JAKMIP2: variants seen among roughly 807,000 people sequenced by gnomAD.
JAKMIP2 encodes janus kinase and microtubule interacting protein 2.
JAKMIP2 carries 25 observed loss-of-function variants against 115.0 expected under a neutral mutation model. That is an observed-to-expected ratio of 0.22 (90% confidence interval 0.16 to 0.30). The LOEUF is 0.30. Ranked by LOEUF, JAKMIP2 falls within the 10% of genes least tolerant of loss-of-function variation. The probability of loss-of-function intolerance (pLI) is 1.00; values close to 1 mark genes in which losing one functional copy is unlikely to be tolerated. For missense variants in JAKMIP2, 642 were observed against 957.6 expected (o/e 0.67, Z 4.35); for synonymous variants, 334 against 343.6 (o/e 0.97, Z 0.31).
At chr5:147,781,320 G>A (rs1349778524) in intron 1 of JAKMIP2, among the ~76,000 whole-genome samples, 2 of 152,166 alleles carry the variant, frequency 1.3e-5, no homozygotes, top group African/African-American at 4.8e-5. Context: ...GATACTGAAG[G>A]AATGAACATC....
intron 1 of JAKMIP2, among the ~76,000 whole-genome samples, chr5:147,677,672 G>A (rs1445648805): frequency 6.6e-6 from 1 of 152,080 alleles, no homozygotes; most frequent in East Asian, 1.9e-4. Context: ...CAAATTTTCA[G>A]GTCTAAAAAT....
intron 1 of JAKMIP2, among the ~76,000 whole-genome samples, chr5:147,754,604 T>G (rs1754679406): frequency 6.6e-6 from 1 of 152,108 alleles, no homozygotes; most frequent in Non-Finnish European, 1.5e-5. Flanking sequence ...AAGAGTTGCA[T>G]TTTGGGTGAT....
At chr5:147,702,614 A>AGG (rs1752395162) in intron 1 of JAKMIP2, among the ~76,000 whole-genome samples, 1 of 63,014 alleles carries the variant, frequency 1.6e-5, no homozygotes, top group African/African-American at 6.2e-5. Context: ...GAAAGAAAGA[A>AGG]AGAAAGAAAG....
intron 11 of JAKMIP2, chr5:147,636,526 G>A (rs985965007): frequency 3.4e-6 from 2 of 584,942 alleles, no homozygotes; most frequent in Non-Finnish European, 6.0e-6. Context: ...GAATAATCCA[G>A]GACCAGCCTT....
intron 17 of JAKMIP2, among the ~76,000 whole-genome samples, chr5:147,622,197 G>GT (rs1311549912): frequency 3.3e-5 from 5 of 152,298 alleles, no homozygotes; most frequent in Middle Eastern, 3.4e-3. Flanking sequence ...ATGCATTGCT[G>GT]TAAGTTAATA....
chr5:147,735,025 A>G (rs561421313), intron 1 of JAKMIP2, among the ~76,000 whole-genome samples: 1 of 152,314 alleles, frequency 6.6e-6, no homozygotes, highest in Admixed American at 6.5e-5. Flanking sequence ...GAATGCAAAC[A>G]GAGGGTCAGA....
intron 1 of JAKMIP2, among the ~76,000 whole-genome samples, chr5:147,721,515 G>A (rs1287069799): frequency 1.3e-5 from 2 of 152,160 alleles, no homozygotes; most frequent in African/African-American, 4.8e-5. Flanking sequence ...CGTGGGCGTA[G>A]GACCCTCCGA....
At chr5:147,606,198 T>C (rs937382906) in intron 20 of JAKMIP2, among the ~76,000 whole-genome samples, 3 of 147,828 alleles carry the variant, frequency 2.0e-5, no homozygotes, top group African/African-American at 7.5e-5. Context: ...TAGATCCTAT[T>C]TGTCAATTTT....
At chr5:147,636,387 G>A (rs1757615773) in intron 11 of JAKMIP2, 103 bp from the exon 12 acceptor site, 8 of 891,366 alleles carry the variant, frequency 9.0e-6, no homozygotes, top group Non-Finnish European at 1.1e-5. Flanking sequence ...CACCCTGTTT[G>A]TTTGCCTGCC....
intron 17 of JAKMIP2, among the ~76,000 whole-genome samples, chr5:147,622,834 T>A (rs529681326): frequency 2.6e-4 from 40 of 152,356 alleles, no homozygotes; most frequent in African/African-American, 9.4e-4. Context: ...CACCATACTT[T>A]TTTTCATAGT....
intron 1 of JAKMIP2, among the ~76,000 whole-genome samples, chr5:147,759,035 A>G (rs1021309173): frequency 6.6e-6 from 1 of 152,118 alleles, no homozygotes; most frequent in African/African-American, 2.4e-5. Flanking sequence ...AGAGGTGGAA[A>G]GAGAGGCAAC....
intron 2 of JAKMIP2, among the ~76,000 whole-genome samples, chr5:147,663,588 C>A (rs1759143053): frequency 6.6e-6 from 1 of 152,172 alleles, no homozygotes; most frequent in African/African-American, 2.4e-5. Flanking sequence ...TACATCTATC[C>A]TATTAGTTCT....
chr5:147,725,173 TG>T (rs1029342545), intron 1 of JAKMIP2, among the ~76,000 whole-genome samples: 39 of 152,212 alleles, frequency 2.6e-4, no homozygotes, highest in African/African-American at 9.4e-4. Flanking sequence ...ACAAATGTCA[TG>T]GAAACATCAA....
At chr5:147,708,859 T>A (rs992210895) in intron 1 of JAKMIP2, among the ~76,000 whole-genome samples, 2 of 152,218 alleles carry the variant, frequency 1.3e-5, no homozygotes, top group African/African-American at 4.8e-5. Context: ...AGTATGCAGC[T>A]GAGTTTACCT....
At chr5:147,778,944 G>T (rs1008578617) in intron 1 of JAKMIP2, among the ~76,000 whole-genome samples, 22 of 152,014 alleles carry the variant, frequency 1.4e-4, no homozygotes, top group African/African-American at 5.1e-4. Context: ...AATAATAGTG[G>T]AATGTGTAAA....
intron 1 of JAKMIP2, among the ~76,000 whole-genome samples, chr5:147,686,395 A>G (rs981166285): frequency 9.2e-5 from 14 of 152,138 alleles, no homozygotes; most frequent in African/African-American, 3.4e-4. Context: ...TCTCTCACGC[A>G]TATCTTACCA....
At chr5:147,667,248 G>C (rs1358399343) in intron 2 of JAKMIP2, among the ~76,000 whole-genome samples, 2 of 152,104 alleles carry the variant, frequency 1.3e-5, no homozygotes, top group East Asian at 1.9e-4. Context: ...TTCTACCCTA[G>C]AGGTTCTATG....
At chr5:147,628,991 A>C (rs1038411108) in intron 15 of JAKMIP2, among the ~76,000 whole-genome samples, 175 bp from the exon 16 acceptor site, 3 of 152,230 alleles carry the variant, frequency 2.0e-5, no homozygotes, top group Admixed American at 6.5e-5. Flanking sequence ...ACCCGGAAGA[A>C]GTATATTAAA....
rs371020128 is a variant in JAKMIP2, at chr5:147,595,504, C to G, written c.*21-3818G>C. 1.1e-4 allele frequency: 52 copies of G among 455,712 alleles called. No individual in the cohort carries two copies. The East Asian group carries it at 2.9e-3, about 26-fold the overall frequency. 28.2% of individuals were successfully genotyped at this position (455,712 alleles called of 1,614,324 possible). A position where few individuals can be genotyped will look rare whatever the true frequency, so the allele number is the denominator to read the frequency against. The stretch of plus-strand genomic sequence containing the variant: ...AGGCCCTCACCAGACACCAAACCTG[C>G]TGGTGCCTCGATCTTCAATTTCCAG... On this transcript the variant is annotated intron_variant, in intron 21 of 21. Transcript: ENST00000616793.
Sources: allele counts gnomAD v4.1 joint callset (sites outside exome capture counted in the v4.1 genomes callset), GRCh38; gene constraint gnomAD v4.1.1; transcripts MANE v1.5; gene names NCBI Gene and HGNC (gene_info 2026-07-23, HGNC 2026-07-21).